Variants in APC observed in about 807,000 individuals in gnomAD.
APC encodes adenomatous polyposis coli protein.
In APC, 72 loss-of-function variants were observed where a neutral mutation model predicts 247.0. The ratio of observed to expected loss-of-function variants is 0.29; its 90% CI spans 0.24 to 0.35. APC has a LOEUF of 0.35. APC is among the 10% of genes least tolerant of loss of function. The pLI, the probability that APC is intolerant of heterozygous loss-of-function variation, is 1.00. For synonymous variants in APC, 1,254 were observed against 1,162.5 expected (o/e 1.08, Z -1.60); for missense variants, 3,400 against 3,360.7 (o/e 1.01, Z -0.29).
chr5:112,769,453 T>G (rs1409452941), intron 4 of APC, among the ~76,000 whole-genome samples: 1 of 152,224 alleles, frequency 6.6e-6, no homozygotes, highest in Non-Finnish European at 1.5e-5. Context: ...AATTCTTCTC[T>G]TCCTAAAGTT....
intron 2 of APC, among the ~76,000 whole-genome samples, chr5:112,764,698 G>T (rs948919813): frequency 6.6e-6 from 1 of 152,154 alleles, no homozygotes; most frequent in Non-Finnish European, 1.5e-5. Flanking sequence ...CTGCTCAAGG[G>T]TAGTTGTTGA....
chr5:112,728,640 GTT>G (rs56038117), intron 1 of APC, among the ~76,000 whole-genome samples: 13 of 149,550 alleles, frequency 8.7e-5, no homozygotes, highest in East Asian at 3.9e-4. Context: ...AGGTGATTGT[GTT>G]TTTTTTTTGT....
chr5:112,749,796 T>C (rs1356634803), intron 1 of APC, among the ~76,000 whole-genome samples: 1 of 151,786 alleles, frequency 6.6e-6, no homozygotes, highest in Non-Finnish European at 1.5e-5. Context: ...AATTTTTTAA[T>C]AGTTGTAGAA....
chr5:112,816,641 A>G (rs952384172), intron 9 of APC, among the ~76,000 whole-genome samples: 2 of 151,784 alleles, frequency 1.3e-5, no homozygotes, highest in African/African-American at 4.8e-5. Context: ...TAAAAATACA[A>G]AATTAGCCAG....
intron 7 of APC, among the ~76,000 whole-genome samples, chr5:112,792,746 A>G (rs1472811143): frequency 1.3e-5 from 2 of 152,242 alleles, no homozygotes; most frequent in South Asian, 2.1e-4. Context: ...AACTGTAAAT[A>G]TAGATACCTT....
At chr5:112,722,058 C>A (rs1021341248) in intron 1 of APC, among the ~76,000 whole-genome samples, 2 of 148,678 alleles carry the variant, frequency 1.3e-5, no homozygotes, top group Admixed American at 1.4e-4. Context: ...GAAAAAAAGA[C>A]CCCCCCATTG....
intron 2 of APC, among the ~76,000 whole-genome samples, chr5:112,755,690 A>C (rs763695947): frequency 6.6e-6 from 1 of 152,270 alleles, no homozygotes; most frequent in Admixed American, 6.5e-5. Flanking sequence ...AAAATCGTCT[A>C]TAGTGGGGAA....
intron 8 of APC, among the ~76,000 whole-genome samples, chr5:112,812,498 A>G (rs935768136): frequency 1.3e-5 from 2 of 151,992 alleles, no homozygotes; most frequent in African/African-American, 4.8e-5. Context: ...CACACACACA[A>G]ACACAACTAT....
At chr5:112,754,268 TA>T (rs1754703322) in intron 1 of APC, among the ~76,000 whole-genome samples, 3 of 152,252 alleles carry the variant, frequency 2.0e-5, no homozygotes, top group Admixed American at 6.5e-5. Flanking sequence ...ACCATCTTCC[TA>T]TCAAAAAGGC....
intron 1 of APC, among the ~76,000 whole-genome samples, chr5:112,713,019 A>AAATT (rs1161869737): frequency 1.3e-5 from 2 of 152,180 alleles, no homozygotes; most frequent in Non-Finnish European, 2.9e-5. Context: ...AAAAATAAAA[A>AAATT]AATTAGCCGG....
chr5:112,839,525 A>T lies in APC; in HGVS notation c.3931A>T (p.Ile1311Phe). ...TLQIAEIKEK[I>F]GTRSAEDPVS... ...GCAAATAGCAGAAATAAAAGAAAAG[A>T]TTGGAACTAGGTCAGCTGAAGATCC... The change falls in exon 16 of 16, where the codon ATT becomes TTT. Residue 1311 changes from isoleucine to phenylalanine, a missense_variant. Around this residue, in one of 9 missense-constraint regions of APC, gnomAD observed 715 missense variants for 656.6 expected, o/e 1.09. Coordinates refer to ENST00000257430, the MANE Select transcript of APC (RefSeq NM_000038.6). The surrounding 1 kb of genome is among the most constrained non-coding windows in gnomAD (Gnocchi z 5.0). The T allele has an allele frequency of 6.2e-7, 1 of 1,614,228 alleles. No homozygotes were observed. The highest frequency in any genetic ancestry group is 8.5e-7 in the Non-Finnish European group (1 of 1,180,038).
rs78390795 is a variant in APC at position 112,773,375 on chromosome 5, C to G, written c.423-2254C>G. On this transcript the variant is annotated intron_variant, in intron 4 of 15. Transcript: ENST00000257430. ...TCTGTAATAGAAAATATCTACAAATCGGACTGCATGGAAATCAAAATTTTC... is the reference window on the plus strand; with the variant it reads ...TCTGTAATAGAAAATATCTACAAATGGGACTGCATGGAAATCAAAATTTTC... Among the ~76,000 whole-genome samples the G allele has an allele frequency of 7.3e-3, 1,107 of 152,164 alleles. 11 individuals carry two copies. The highest frequency in any genetic ancestry group is 0.025 in the African/African-American group (1,031 of 41,490).
At chr5:112,789,900 TC>T (rs1167572887) in intron 6 of APC, among the ~76,000 whole-genome samples, 2 of 151,988 alleles carry the variant, frequency 1.3e-5, no homozygotes, top group African/African-American at 2.4e-5. Context: ...TGGCTCTGTC[TC>T]CCAGGCTGGA....
At position 112,843,728 on chromosome 5, in the gene APC, C is replaced by T. The variant is rs76933416; in HGVS notation, c.8134C>T (p.Pro2712Ser). ...AKQNVGNGSVPMRTVGLENRL... is the reference protein window; with the variant it reads ...AKQNVGNGSVSMRTVGLENRL... ...ACAAAATGTGGGTAATGGCAGTGTT[C>T]CCATGCGTACCGTGGGTTTGGAAAA... The change falls in exon 16 of 16, where the codon CCC becomes TCC. Residue 2712 changes from proline to serine, a missense_variant. Pro to Ser is a moderately conservative substitution (Grantham distance 74). Around this residue, in one of 9 missense-constraint regions of APC, gnomAD observed 1,788 missense variants for 1,649.5 expected, o/e 1.08. Coordinates refer to ENST00000257430, the MANE Select transcript of APC (RefSeq NM_000038.6). This position sits in a 1 kb window ranked among gnomAD's most constrained non-coding sequence, Gnocchi z 4.8. The T allele has an allele frequency of 2.5e-6, 4 of 1,613,880 alleles. No individual in the cohort carries two copies. The highest frequency in any genetic ancestry group is 8.5e-7 in the Non-Finnish European group (1 of 1,179,938).
At chr5:112,750,952 C>A (rs973465119) in intron 1 of APC, among the ~76,000 whole-genome samples, 1 of 152,034 alleles carries the variant, frequency 6.6e-6, no homozygotes, top group African/African-American at 2.4e-5. Flanking sequence ...TTTCCCAGCA[C>A]CACTTTAAAT....
Position 112,838,082 on chromosome 5 carries a change from G to A in APC, c.2488G>A (p.Val830Met). The change falls in exon 16 of 16, where the codon GTG becomes ATG. Residue 830 changes from valine to methionine, a missense_variant. By Grantham distance (21) the Val-to-Met change is conservative. Transcript: ENST00000257430. ...CCTTTCACCATATTTGAATACTACA[G>A]TGTTACCCAGCTCCTCTTCATCAAG... is the stretch of plus-strand genomic sequence containing the variant. ...TVLSPYLNTT[V>M]LPSSSSSRGS... The A allele has an allele frequency of 6.2e-7, 1 of 1,614,190 alleles. No homozygotes were observed. The highest frequency in any genetic ancestry group is 2.2e-5 in the East Asian group (1 of 44,880).
At position 112,844,013 on chromosome 5, in the gene APC, A is replaced by C. The variant is rs894164638; in HGVS notation, c.8419A>C (p.Thr2807Pro). ...STSARPSQIP[T>P]PVNNNTKKRD... ...TTCAGCTCGGCCATCTCAGATCCCAACTCCAGTGAATAACAACACAAAGAA... is the reference window on the plus strand; with the variant it reads ...TTCAGCTCGGCCATCTCAGATCCCACCTCCAGTGAATAACAACACAAAGAA... Residue 2807 changes from threonine to proline, a missense_variant, in exon 16 of 16, where the codon ACT becomes CCT. Physicochemically the swap from Thr to Pro is conservative, Grantham distance 38 (BLOSUM62 -1). This residue lies in a region of APC where 1,788 missense variants were observed against 1,649.5 expected (regional missense o/e 1.08). Coordinates refer to ENST00000257430, the MANE Select transcript of APC (RefSeq NM_000038.6). The C allele has an allele frequency of 3.1e-6, 5 of 1,602,442 alleles. No homozygotes were observed. Among genetic ancestry groups the C allele is most frequent in the Non-Finnish European group, 4.3e-6 (5 of 1,175,960 alleles).
intron 1 of APC, among the ~76,000 whole-genome samples, chr5:112,747,946 A>G (rs1448368346): frequency 6.6e-6 from 1 of 152,140 alleles, no homozygotes; most frequent in Non-Finnish European, 1.5e-5. Context: ...TGTTTTTGTA[A>G]ATTAAGTTTT....
At chr5:112,831,111 A>G (rs1421969375) in intron 14 of APC, among the ~76,000 whole-genome samples, 1 of 151,494 alleles carries the variant, frequency 6.6e-6, no homozygotes, top group African/African-American at 2.4e-5. Flanking sequence ...ACTCTTCTAT[A>G]AATTTTTTTT....
Sources: gnomAD v4.1 joint callset for allele counts (sites outside exome capture counted in the v4.1 genomes callset) on GRCh38, gnomAD v4.1.1 for gene constraint, gnomAD v4.1.1 regional missense constraint, Gnocchi (gnomAD v3.1) non-coding constraint, MANE v1.5 for transcripts, NCBI Gene and HGNC (gene_info 2026-07-23, HGNC 2026-07-21) for gene names.